TCIRG1: variants seen among roughly 807,000 people sequenced by gnomAD.
TCIRG1 encodes the protein V-type proton ATPase 116 kDa subunit a 3.
TCIRG1 carries 86 observed loss-of-function variants against 95.5 expected under a neutral mutation model. The ratio of observed to expected loss-of-function variants is 0.90; its 90% CI spans 0.76 to 1.08. The LOEUF is 1.08. Among genes scored for constraint, TCIRG1 ranks in the 50% least tolerant of loss-of-function variants. The pLI, the probability that TCIRG1 is intolerant of heterozygous loss-of-function variation, is 0.00. For synonymous variants in TCIRG1, 499 were observed against 501.3 expected (o/e 1.00, Z 0.06); for missense variants, 1,069 against 1,140.2 (o/e 0.94, Z 0.90).
chr11:68,043,034 G>A lies in TCIRG1; in HGVS notation c.503+3G>A. The A allele has an allele frequency of 6.5e-7, 1 of 1,550,376 alleles. No individual in the cohort carries two copies. Among genetic ancestry groups the A allele is most frequent in the Non-Finnish European group, 8.7e-7 (1 of 1,147,114 alleles). On this transcript the variant is annotated splice_donor_region_variant and intron_variant, in intron 5 of 19. Coordinates refer to ENST00000265686, the MANE Select transcript of TCIRG1 (RefSeq NM_006019.4). ...CCGCACCAGGACCTGAGGGTCAAGT[G>A]AGTGAGGGATGACCTCATGCCCTTT...
chr11:68,045,017 A>G lies in TCIRG1; in HGVS notation c.1080A>G (p.Thr360=), dbSNP rs767700786. The G allele has an allele frequency of 5.0e-6, 8 of 1,607,892 alleles. No individual in the cohort carries two copies. The East Asian group carries it at 1.3e-4, about 27-fold the overall frequency. The change falls in exon 10 of 20, where the codon ACA becomes ACG. Residue 360 remains threonine, a synonymous_variant. Transcript: ENST00000265686. The part of the protein sequence containing the change: ...HRIPCRDMPP[T]LIRTNRFTAS... ...TCCCCTGCCGGGACATGCCCCCCAC[A>G]CTCATCCGCACCAACCGCTTCACGG... is the stretch of plus-strand genomic sequence containing the variant.
In TCIRG1 at chr11:68,044,283, C is replaced by T. The variant is rs1313623995; in HGVS notation, c.959C>T (p.Ala320Val). 1.2e-6 allele frequency: 2 copies of T among 1,604,888 alleles called. No homozygotes were observed. The highest frequency in any genetic ancestry group is 1.3e-5 in the African/African-American group (1 of 74,838). The change falls in exon 9 of 20, where the codon GCC becomes GTC. Residue 320 changes from alanine (A) to valine (V), a missense_variant. Ala to Val is a moderately conservative substitution (Grantham distance 64). Coordinates refer to ENST00000265686, the MANE Select transcript of TCIRG1 (RefSeq NM_006019.4). ...SVSTTHKCLI[A>V]EAWCSVRDLP... ...AGCACCACGCACAAGTGCCTCATTG[C>T]CGAGGCCTGGTGCTCTGTGCGAGAC...
rs374953343 is a variant in TCIRG1 at position 68,044,988 on chromosome 11, C to T, written c.1051C>T (p.Arg351Cys). The change falls in exon 10 of 20, where the codon CGC becomes TGC. Residue 351 changes from arginine (R) to cysteine (C), a missense_variant. Transcript: ENST00000265686. ...MEEGVSAVAH[R>C]IPCRDMPPTL... ...GGAGGGAGTGAGTGCCGTGGCTCAC[C>T]GCATCCCCTGCCGGGACATGCCCCC... The T allele has an allele frequency of 3.5e-5, 57 of 1,608,594 alleles. No homozygotes were observed. Among genetic ancestry groups the T allele is most frequent in the South Asian group, 1.1e-4 (10 of 91,086 alleles).
At chr11:68,042,077 A>G (rs1855194974) in intron 3 of TCIRG1, among the ~76,000 whole-genome samples, 1 of 152,122 alleles carries the variant, frequency 6.6e-6, no homozygotes, top group African/African-American at 2.4e-5. Flanking sequence ...AATACAGCAT[A>G]AGAGCCCAGG....
rs1390103168 is a variant in TCIRG1, at chr11:68,044,003, CCAGGAGGTGGGTG to C, written c.807+111_808-102del. The C allele has an allele frequency of 2.0e-5, 26 of 1,311,182 alleles. No homozygotes were observed. In the South Asian group the frequency reaches 2.0e-4, roughly 10 times the overall value. 81.2% of individuals were successfully genotyped at this position (1,311,182 alleles called of 1,614,324 possible). On this transcript the variant is annotated intron_variant, in intron 8 of 19. Transcript: ENST00000265686. ...GGAGGTGGGTGCCCTGGCCTGGCCTCCAGGAGGTGGGTGCAGGAGGTGGGTGCCCTGGCCTGGC... is the reference window on the plus strand; with the variant it reads ...GGAGGTGGGTGCCCTGGCCTGGCCTCCAGGAGGTGGGTGCCCTGGCCTGGC...
chr11:68,053,476 G>C (rs2134473072), downstream of TCIRG1: 1 of 153,114 alleles, frequency 6.5e-6, no homozygotes, highest in East Asian at 1.9e-4. Flanking sequence ...GAGGCCCCAG[G>C]CAGAGGCCAC....
At chr11:68,043,526 C>G in intron 6 of TCIRG1, 29 bp downstream of exon 6, 1 of 1,586,192 alleles carries the variant, frequency 6.3e-7, no homozygotes, top group Non-Finnish European at 8.6e-7. Context: ...GCTGGGGGGT[C>G]CTGGGCAGAG....
At position 68,049,216 on chromosome 11, in the gene TCIRG1, C is replaced by A; in HGVS notation, c.1809C>A (p.Ala603=). The A allele has an allele frequency of 6.2e-7, 1 of 1,613,878 alleles. No homozygotes were observed. Among genetic ancestry groups the A allele is most frequent in the Non-Finnish European group, 8.5e-7 (1 of 1,180,004 alleles). The change falls in exon 15 of 20, where the codon GCC becomes GCA. Residue 603 remains alanine, a synonymous_variant. Coordinates refer to ENST00000265686, the MANE Select transcript of TCIRG1 (RefSeq NM_006019.4). ...TCTGGGCTGCCAGGGCCGCCTCGGC[C>A]CCCAGCATCCTCATCCACTTCATCA... The part of the protein sequence containing the change: ...LCVWAARAAS[A]PSILIHFINM...
chr11:68,043,598 C>T lies in TCIRG1; in HGVS notation c.658C>T (p.Leu220Phe). Reference protein sequence around the residue: ...TGEPATWMTFLISYWGEQIGQ... With the variant: ...TGEPATWMTFFISYWGEQIGQ... ...CGAGCCAGCCACGTGGATGACCTTC[C>T]TCATCTCCTACTGGGGTGAGCAGAT... is the stretch of plus-strand genomic sequence containing the variant. The change falls in exon 7 of 20, where the codon CTC (leucine) becomes TTC (phenylalanine). Residue 220 changes from leucine to phenylalanine, a missense_variant. Coordinates refer to ENST00000265686, the MANE Select transcript of TCIRG1 (RefSeq NM_006019.4). 1.2e-6 allele frequency: 2 copies of T among 1,611,294 alleles called. No individual in the cohort carries two copies. The highest frequency in any genetic ancestry group is 1.7e-6 in the Non-Finnish European group (2 of 1,179,312).
In TCIRG1 at chr11:68,049,767, G is replaced by A. The variant is rs1002652738; in HGVS notation, c.1992G>A (p.Arg664=). ...HLLHRHRRRL[R]RRPADRQEEN... ...TGCACCGCCACCGCCGCCGCCTGCGGAGGAGGCCCGCTGACCGACAGGTGG... is the reference window on the plus strand; with the variant it reads ...TGCACCGCCACCGCCGCCGCCTGCGAAGGAGGCCCGCTGACCGACAGGTGG... Residue 664 remains arginine (R), a synonymous_variant, in exon 16 of 20, where the codon CGG becomes CGA. Coordinates refer to ENST00000265686, the MANE Select transcript of TCIRG1 (RefSeq NM_006019.4). 1.3e-6 allele frequency: 2 copies of A among 1,574,268 alleles called. No homozygotes were observed. Among genetic ancestry groups the A allele is most frequent in the Non-Finnish European group, 1.7e-6 (2 of 1,167,044 alleles).
rs374365698 is a variant in TCIRG1 at position 68,047,763 on chromosome 11, G to A, written c.1422G>A (p.Ser474=). 4.4e-5 allele frequency: 71 copies of A among 1,613,106 alleles called. No individual in the cohort carries two copies. The highest frequency in any genetic ancestry group is 3.6e-4 in the South Asian group (33 of 91,080). ...GTCGCGCCACCAGCATCTTCCCCTCGGGCTGGAGTGTGGCCGCCATGGCCA... is the reference window on the plus strand; with the variant it reads ...GTCGCGCCACCAGCATCTTCCCCTCAGGCTGGAGTGTGGCCGCCATGGCCA... ...CFSRATSIFP[S]GWSVAAMANQ... is the part of the protein sequence containing the mutation. Residue 474 remains serine (S), a synonymous_variant, in exon 12 of 20, where the codon TCG becomes TCA. Coordinates refer to ENST00000265686, the MANE Select transcript of TCIRG1 (RefSeq NM_006019.4).
rs746227782 is a variant in TCIRG1, at chr11:68,050,149, G to A, written c.2131G>A (p.Glu711Lys). ...DEEEAELVPS[E>K]VLMHQAIHTI... is the part of the protein sequence containing the mutation. ...ACCCGCCCCGCAGCTCGTCCCCTCC[G>A]AGGTGCTCATGCACCAGGCCATCCA... The change falls in exon 18 of 20, where the codon GAG becomes AAG. Residue 711 changes from glutamate to lysine, a missense_variant. By Grantham distance (56) the Glu-to-Lys change is moderately conservative. Transcript: ENST00000265686. 22 of 1,613,304 alleles carry A rather than the reference G, an allele frequency of 1.4e-5. No individual in the cohort carries two copies. The highest frequency in any genetic ancestry group is 4.5e-5 in the East Asian group (2 of 44,874).
intron 13 of TCIRG1, 102 bp from the exon 14 acceptor site, chr11:68,048,777 A>C: frequency 3.3e-6 from 3 of 922,100 alleles, no homozygotes; most frequent in Non-Finnish European, 5.3e-6. Flanking sequence ...GCAGGCTCCG[A>C]GGGGGAAAAC....
Position 68,043,441 on chromosome 11 carries a change from G to T in TCIRG1, c.574G>T (p.Gly192Cys), listed in dbSNP as rs371658110. 1.3e-6 allele frequency: 2 copies of T among 1,549,376 alleles called. No homozygotes were observed. Among genetic ancestry groups the T allele is most frequent in the African/African-American group, 1.4e-5 (1 of 73,244 alleles). The change falls in exon 6 of 20, where the codon GGC becomes TGC. Residue 192 changes from glycine (G) to cysteine (C), a missense_variant. Gly to Cys is a radical substitution (Grantham distance 159). Coordinates refer to ENST00000265686, the MANE Select transcript of TCIRG1 (RefSeq NM_006019.4). ...GCGCCTGCTCTGGAGGGCCTGCCGC[G>T]GCTTCCTCATTGCCAGCTTCAGGGA... is the stretch of plus-strand genomic sequence containing the variant. The part of the protein sequence containing the change: ...LERLLWRACR[G>C]FLIASFRELE...
chr11:68,049,953 A>T lies in TCIRG1; in HGVS notation c.2014-9A>T. The T allele has an allele frequency of 6.2e-7, 1 of 1,607,346 alleles. No homozygotes were observed. ...GGAGTGCTGCCAACACTGCCTGCTC[A>T]TGCCCCAGGAGGAAAACAAGGCCGG... On this transcript the variant is annotated splice_polypyrimidine_tract_variant and intron_variant, in intron 16 of 19. Transcript: ENST00000265686.
chr11:68,043,145 C>T (rs1428589798), intron 5 of TCIRG1, 114 bp downstream of exon 5: 3 of 1,530,198 alleles, frequency 2.0e-6, no homozygotes, highest in African/African-American at 2.8e-5. Flanking sequence ...CCAGGCTGGC[C>T]CCGCCTCCTC....
Position 68,041,369 on chromosome 11 carries a change from G to C in TCIRG1, c.98G>C (p.Gly33Ala). Residue 33 changes from glycine (G) to alanine (A), a missense_variant, in exon 2 of 20, where the codon GGC becomes GCC. By Grantham distance (60) the Gly-to-Ala change is moderately conservative. Transcript: ENST00000265686. The part of the protein sequence containing the change: ...YTCVSRLGEL[G>A]LVEFRDLNAS... ...TGCGTGAGTCGGCTGGGCGAGCTGG[G>C]CCTCGTGGAGTTCAGAGACGTGAGT... 1 of 1,612,686 alleles carries C rather than the reference G, an allele frequency of 6.2e-7. No individual in the cohort carries two copies. The highest frequency in any genetic ancestry group is 8.5e-7 in the Non-Finnish European group (1 of 1,179,612).
chr11:68,051,082 G>A (rs1855780959), downstream of TCIRG1: 3 of 559,350 alleles, frequency 5.4e-6, no homozygotes, highest in African/African-American at 1.9e-5. Flanking sequence ...ATTCTAACTT[G>A]GAGTGAGCAA....
chr11:68,043,350 G>C lies in TCIRG1; in HGVS notation c.504-21G>C, dbSNP rs370022338. The C allele has an allele frequency of 6.1e-4, 939 of 1,538,120 alleles. 2 individuals carry two copies. In the African/African-American group the frequency reaches 6.7e-3, roughly 11 times the overall value. ...CAGGGCAGGAGGTTGGAGCAGCCCTGCCCAGCCCCGTGGCCGCCAGCTTTG... is the reference window on the plus strand; with the variant it reads ...CAGGGCAGGAGGTTGGAGCAGCCCTCCCCAGCCCCGTGGCCGCCAGCTTTG... On this transcript the variant is annotated intron_variant, in intron 5 of 19. Coordinates refer to ENST00000265686, the MANE Select transcript of TCIRG1 (RefSeq NM_006019.4).
Sources: gnomAD v4.1 joint callset for allele counts (sites outside exome capture counted in the v4.1 genomes callset) on GRCh38, gnomAD v4.1.1 for gene constraint, MANE v1.5 for transcripts, NCBI Gene and HGNC (gene_info 2026-07-23, HGNC 2026-07-21) for gene names.